AMZ1: variants seen among roughly 807,000 people sequenced by gnomAD.
AMZ1 encodes archaelysin family metallopeptidase 1, also known as archaemetzincin-1.
In AMZ1, 39 loss-of-function variants were observed where a neutral mutation model predicts 29.9. The ratio of observed to expected loss-of-function variants is 1.30; its 90% CI spans 1.01 to 1.70. The LOEUF (loss-of-function observed/expected upper bound fraction) is 1.70. Among genes scored for constraint, AMZ1 ranks in the 40% most tolerant of loss-of-function variants. The pLI is 0.00. For missense variants in AMZ1, 1,041 were observed against 680.6 expected (o/e 1.53, Z -5.89); for synonymous variants, 458 against 304.0 (o/e 1.51, Z -5.27).
chr7:2,736,602 G>A (rs1165738893), intron 4 of AMZ1, among the ~76,000 whole-genome samples: 1 of 152,212 alleles, frequency 6.6e-6, no homozygotes, highest in Non-Finnish European at 1.5e-5. Context: ...GCACAGCCGG[G>A]CAGATGTGAT....
downstream of AMZ1, among the ~76,000 whole-genome samples, chr7:2,722,517 C>T (rs1042716895): frequency 7.2e-5 from 11 of 151,860 alleles, no homozygotes; most frequent in Admixed American, 1.3e-4. Context: ...GTGATCCATC[C>T]GCCTCAGCCT....
At chr7:2,684,338 G>A (rs1006016167), upstream of AMZ1, among the ~76,000 whole-genome samples, 1 of 152,144 alleles carries the variant, frequency 6.6e-6, no homozygotes, top group African/African-American at 2.4e-5. Flanking sequence ...TATCTGCAAC[G>A]ACTCGGTTTC....
intron 4 of AMZ1, among the ~76,000 whole-genome samples, chr7:2,745,273 G>A (rs1017711144): frequency 1.3e-5 from 2 of 152,212 alleles, no homozygotes; most frequent in African/African-American, 4.8e-5. Flanking sequence ...CAGAGAGAAA[G>A]GTCAGGTTAC....
In AMZ1 at chr7:2,730,969, C is replaced by G. The variant is rs775345957; in HGVS notation, n.550+21153C>G. Reference sequence around the variant, plus strand: ...CACTCGGATTTTCAGTAGTTTCACTCGCCCCCAGGATTCAGTAGCTAACGT... The same window carrying G: ...CACTCGGATTTTCAGTAGTTTCACTGGCCCCCAGGATTCAGTAGCTAACGT... On this transcript the variant is annotated intron_variant and non_coding_transcript_variant, in intron 4 of 4. Coordinates refer to the AMZ1 transcript ENST00000489665. 5.6e-6 allele frequency: 3 copies of G among 532,358 alleles called. No homozygotes were observed. In the African/African-American group the frequency reaches 5.6e-5, roughly 10 times the overall value. 33.0% of individuals were successfully genotyped at this position (532,358 alleles called of 1,614,324 possible).
intron 1 of AMZ1, among the ~76,000 whole-genome samples, chr7:2,693,387 A>C (rs1562358583): frequency 6.6e-6 from 1 of 150,404 alleles, no homozygotes; most frequent in Non-Finnish European, 1.5e-5. Context: ...GGTTGGTGGG[A>C]TTGTTGTTGT....
Position 2,727,679 on chromosome 7 carries a change from T to C in AMZ1, n.550+17863T>C, listed in dbSNP as rs148250999. 5.6e-4 allele frequency among the ~76,000 whole-genome samples: 85 copies of C among 152,282 alleles called. 2 individuals carry two copies. Among genetic ancestry groups the C allele is most frequent in the African/African-American group, 1.8e-3 (76 of 41,566 alleles). On this transcript the variant is annotated intron_variant and non_coding_transcript_variant, in intron 4 of 4. Coordinates refer to the AMZ1 transcript ENST00000489665. ...ACACCTGTATTATTTACAATGGTTC[T>C]CCTACATGCCAGGCTTTGTTTGGTA...
At position 2,717,144 on chromosome 7, in the gene AMZ1, G is replaced by A. The variant is rs753602407; in HGVS notation, c.*4266G>A. On this transcript the variant is annotated 3_prime_UTR_variant, in exon 7 of 7. Coordinates refer to ENST00000683327, the MANE Select transcript of AMZ1 (RefSeq NM_001384743.1). ...GCAGCTCCTTCGGACTCTGAGGAGA[G>A]GCCTGGGTGGGTGGCCGGCACTCTT... is the stretch of plus-strand genomic sequence containing the variant. Among the ~76,000 whole-genome samples the A allele has an allele frequency of 6.6e-6, 1 of 152,200 alleles. No homozygotes were observed. The highest frequency in any genetic ancestry group is 1.5e-5 in the Non-Finnish European group (1 of 68,038).
At chr7:2,725,448 T>C (rs1023229227) in intron 4 of AMZ1, among the ~76,000 whole-genome samples, 2 of 152,200 alleles carry the variant, frequency 1.3e-5, no homozygotes, top group African/African-American at 4.8e-5. Flanking sequence ...AGAAATCCAA[T>C]GCGTCTATTT....
Position 2,708,568 on chromosome 7 carries a change from CT to C in AMZ1, c.473-19del, listed in dbSNP as rs1788512998. 7.4e-6 allele frequency: 12 copies of C among 1,611,108 alleles called. No homozygotes were observed. The highest frequency in any genetic ancestry group is 1.3e-5 in the African/African-American group (1 of 74,910). Reference sequence around the variant, plus strand: ...TCCCCGGCTGCCTCCTGACCCCATCCTCTGGCCCTCTCCCCGCAGACGGCAT... The same window carrying C: ...TCCCCGGCTGCCTCCTGACCCCATCCCTGGCCCTCTCCCCGCAGACGGCAT... On this transcript the variant is annotated intron_variant, in intron 3 of 6. Coordinates refer to ENST00000683327, the MANE Select transcript of AMZ1 (RefSeq NM_001384743.1).
At chr7:2,698,490 A>G (rs1787867196) in intron 1 of AMZ1, among the ~76,000 whole-genome samples, 1 of 152,094 alleles carries the variant, frequency 6.6e-6, no homozygotes, top group South Asian at 2.1e-4. Flanking sequence ...GTGAGCCCAG[A>G]TCACGACACT....
At chr7:2,763,575 C>G (rs1791677089), upstream of AMZ1, among the ~76,000 whole-genome samples, 1 of 152,182 alleles carries the variant, frequency 6.6e-6, no homozygotes, top group African/African-American at 2.4e-5. Context: ...CTAAGGCTAG[C>G]TCGAAACAAA....
At chr7:2,683,184 C>T (rs932611582) in intron 1 of AMZ1, among the ~76,000 whole-genome samples, 11 of 152,322 alleles carry the variant, frequency 7.2e-5, no homozygotes, top group Non-Finnish European at 4.4e-5. Context: ...CTGCGGCTGC[C>T]GTGACAAATG....
chr7:2,763,007 C>G (rs1376818190), upstream of AMZ1: 1 of 1,280,158 alleles, frequency 7.8e-7, no homozygotes, highest in Non-Finnish European at 9.8e-7. Context: ...TGGTCGCCAA[C>G]AGCCCCGCCG....
chr7:2,709,259 T>C lies in AMZ1; in HGVS notation c.771+15T>C. ...AGTGCTGCAAGGTGGGTGGGGGCTC[T>C]GGGGCTGGTAAGAGGGGACAGGAGG... On this transcript the variant is annotated intron_variant, in intron 5 of 6. Transcript: ENST00000683327. 3 of 1,488,036 alleles carry C rather than the reference T, an allele frequency of 2.0e-6. No individual in the cohort carries two copies. Among genetic ancestry groups the C allele is most frequent in the Non-Finnish European group, 2.7e-6 (3 of 1,123,260 alleles). The allele number at this position is 1,488,036 out of a possible 1,614,324, so 92.2% of individuals were successfully genotyped here.
upstream of AMZ1, among the ~76,000 whole-genome samples, chr7:2,763,687 G>C (rs763704297): frequency 2.6e-5 from 4 of 152,244 alleles, no homozygotes; most frequent in Non-Finnish European, 4.4e-5. Flanking sequence ...GTAAGAATGA[G>C]AAAGCCTGGG....
chr7:2,704,588 CTTTT>C (rs60811216), intron 3 of AMZ1, among the ~76,000 whole-genome samples: 54 of 83,864 alleles, frequency 6.4e-4, no homozygotes, highest in African/African-American at 3.2e-3. Context: ...CAGTGTCACG[CTTTT>C]TTTTTTTTTT....
chr7:2,681,971 G>T (rs1254550059), intron 1 of AMZ1, among the ~76,000 whole-genome samples: 5 of 152,332 alleles, frequency 3.3e-5, no homozygotes, highest in Non-Finnish European at 7.4e-5. Context: ...GCGGAGGAGG[G>T]GTCCTGGGGG....
chr7:2,709,347 T>TG, intron 5 of AMZ1, 103 bp downstream of exon 5: 1 of 1,237,422 alleles, frequency 8.1e-7, no homozygotes, highest in Non-Finnish European at 1.1e-6. Context: ...GTGAAGTGGA[T>TG]GGACCCCTAA....
In AMZ1 at chr7:2,709,740, G is replaced by A. The variant is rs149587010; in HGVS notation, c.872G>A (p.Arg291Gln). 65 of 1,611,526 alleles carry A rather than the reference G, an allele frequency of 4.0e-5. 1 individual carries two copies. Among genetic ancestry groups the A allele is most frequent in the African/African-American group, 9.3e-5 (7 of 75,022 alleles). Residue 291 changes from arginine (R) to glutamine (Q), a missense_variant, in exon 6 of 7, where the codon CGG (arginine) becomes CAG (glutamine). Transcript: ENST00000683327. ...CTCAGCCTGGACGAGGCCCTGCGGC[G>A]GCCCCTGGACCTCTGTCCCATCTGC... is the stretch of plus-strand genomic sequence containing the variant. ...GALSLDEALR[R>Q]PLDLCPICLR...
Sources: gnomAD v4.1 joint callset for allele counts (sites outside exome capture counted in the v4.1 genomes callset) on GRCh38, gnomAD v4.1.1 for gene constraint, MANE v1.5 for transcripts, NCBI Gene and HGNC (gene_info 2026-07-23, HGNC 2026-07-21) for gene names.